MIOS: variants seen among roughly 807,000 people sequenced by gnomAD.
The protein encoded by MIOS is GATOR2 complex protein MIOS.
A neutral mutation model predicts 96.9 loss-of-function variants in MIOS; 52 were observed. That is an observed-to-expected ratio of 0.54 (90% CI 0.43 to 0.68). The LOEUF (loss-of-function observed/expected upper bound fraction) is 0.68. Ranked by LOEUF, MIOS falls within the 30% of genes least tolerant of loss-of-function variation. MIOS has a pLI of 0.00. For synonymous variants in MIOS, 397 were observed against 359.5 expected (o/e 1.10, Z -1.18); for missense variants, 1,005 against 1,052.8 (o/e 0.95, Z 0.63).
intron 9 of MIOS, 28 bp from the exon 10 acceptor site, chr7:7,594,952 A>G: frequency 6.4e-7 from 1 of 1,564,412 alleles, no homozygotes; most frequent in Non-Finnish European, 8.7e-7. Flanking sequence ...ATTTTAAACA[A>G]TTGAAATAAT....
chr7:7,582,766 TAATA>T (rs1381739909), intron 5 of MIOS: 1 of 307,228 alleles, frequency 3.3e-6, no homozygotes, highest in African/African-American at 2.3e-5. Flanking sequence ...AAAAATAAAT[TAATA>T]AATGGGAGCA....
chr7:7,591,490 G>C (rs1458482299), intron 9 of MIOS, among the ~76,000 whole-genome samples: 1 of 151,852 alleles, frequency 6.6e-6, no homozygotes, highest in East Asian at 1.9e-4. Context: ...ATGTTGCCCA[G>C]GCTGGTCTCA....
chr7:7,570,252 T>C (rs1162572073), intron 3 of MIOS, among the ~76,000 whole-genome samples: 1 of 152,112 alleles, frequency 6.6e-6, no homozygotes, highest in Non-Finnish European at 1.5e-5. Context: ...GACAAGATGA[T>C]AAATAATTGG....
intron 9 of MIOS, among the ~76,000 whole-genome samples, chr7:7,592,259 G>A (rs1216829770): frequency 6.6e-6 from 1 of 152,232 alleles, no homozygotes; most frequent in Middle Eastern, 3.2e-3. Flanking sequence ...AAAGTGCTGG[G>A]ATTACAGGCG....
At chr7:7,608,979 G>A (rs1475986219), downstream of MIOS, 1 of 151,948 alleles carries the variant, frequency 6.6e-6, no homozygotes, top group Non-Finnish European at 1.5e-5. Context: ...CAGTGTGCAT[G>A]GACAATCAAA....
At chr7:7,600,635 A>G (rs1784348479) in intron 11 of MIOS, among the ~76,000 whole-genome samples, 1 of 152,154 alleles carries the variant, frequency 6.6e-6, no homozygotes, top group Non-Finnish European at 1.5e-5. Context: ...TTAACACCCC[A>G]CTGTCAACAT....
intron 11 of MIOS, among the ~76,000 whole-genome samples, chr7:7,597,468 T>TTATATA (rs1160646084): frequency 6.0e-4 from 7 of 11,694 alleles, no homozygotes; most frequent in Non-Finnish European, 1.1e-3. Context: ...CCTAGTAAAT[T>TTATATA]TATATATATA....
chr7:7,597,476 AT>A (rs1241969015), intron 11 of MIOS, among the ~76,000 whole-genome samples: 3 of 17,332 alleles, frequency 1.7e-4, no homozygotes, highest in East Asian at 1.5e-3. Flanking sequence ...ATTTATATAT[AT>A]ATATATATAT....
intron 5 of MIOS, among the ~76,000 whole-genome samples, chr7:7,577,649 G>C (rs3807858): frequency 6.6e-6 from 1 of 152,174 alleles, no homozygotes; most frequent in Non-Finnish European, 1.5e-5. Flanking sequence ...GGTTTCTTTA[G>C]CTTTAGATAC....
At chr7:7,569,317 T>C (rs1473606087) in intron 3 of MIOS, among the ~76,000 whole-genome samples, 1 of 152,256 alleles carries the variant, frequency 6.6e-6, no homozygotes, top group East Asian at 1.9e-4. Context: ...GCAGGTTTTT[T>C]TTAGACCAGA....
intron 5 of MIOS, among the ~76,000 whole-genome samples, chr7:7,574,584 C>A (rs2115357961): frequency 6.6e-6 from 1 of 152,156 alleles, no homozygotes; most frequent in South Asian, 2.1e-4. Context: ...AAGGAGATCC[C>A]TTTTTATTTT....
Position 7,607,346 on chromosome 7 carries a change from T to G in MIOS, c.*254T>G, listed in dbSNP as rs928331249. The G allele has an allele frequency of 3.6e-6, 1 of 279,072 alleles. No homozygotes were observed. 17.3% of individuals were successfully genotyped at this position (279,072 alleles called of 1,614,324 possible). A position where few individuals can be genotyped will look rare whatever the true frequency, so the allele number is the denominator to read the frequency against. On this transcript the variant is annotated 3_prime_UTR_variant, in exon 13 of 13. Coordinates refer to ENST00000340080, the MANE Select transcript of MIOS (RefSeq NM_019005.4). The stretch of plus-strand genomic sequence containing the variant: ...GTTGAAAAGTCTGATTTAGAAAAAC[T>G]TTCTAAGTTTTGGTTGAAATTATGA...
intron 3 of MIOS, among the ~76,000 whole-genome samples, chr7:7,569,255 T>G (rs140916234): frequency 1.3e-5 from 2 of 152,322 alleles, no homozygotes; most frequent in Admixed American, 6.5e-5. Flanking sequence ...TCCTCCTCAT[T>G]CTTAAATTTT....
chr7:7,582,552 C>T, intron 5 of MIOS: 1 of 708,490 alleles, frequency 1.4e-6, no homozygotes, highest in Non-Finnish European at 1.7e-6. Flanking sequence ...AAGTTAGTCC[C>T]ATTATATTTT....
At position 7,597,498 on chromosome 7, in the gene MIOS, ATATATATATATATATAT is replaced by A. The variant is rs1563040969; in HGVS notation, c.2401+1038_2401+1054del. ...TATATATATATATATATATATATATATATATATATATATATATATGAAGGCAATACGTAATGTTTTAA... is the reference window on the plus strand; with the variant it reads ...TATATATATATATATATATATATATAATGAAGGCAATACGTAATGTTTTAA... On this transcript the variant is annotated intron_variant, in intron 11 of 12. Coordinates refer to ENST00000340080, the MANE Select transcript of MIOS (RefSeq NM_019005.4). Among the ~76,000 whole-genome samples the A allele has an allele frequency of 2.4e-3, 165 of 69,292 alleles. 21 individuals are homozygous for A. Among genetic ancestry groups the A allele is most frequent in the East Asian group, 5.9e-3 (13 of 2,192 alleles). 45.5% of individuals were successfully genotyped at this position (69,292 alleles called of 152,430 possible).
intron 11 of MIOS, among the ~76,000 whole-genome samples, chr7:7,597,952 ACC>A (rs1289835492): frequency 1.3e-5 from 2 of 152,186 alleles, no homozygotes; most frequent in African/African-American, 4.8e-5. Context: ...GGCATGAGCC[ACC>A]ATGCCCAGCC....
Position 7,572,354 on chromosome 7 carries a change from TCTGA to T in MIOS, c.-40-79_-40-76del. 1.5e-6 allele frequency: 1 copy of T among 647,076 alleles called. No homozygotes were observed. The highest frequency in any genetic ancestry group is 2.5e-6 in the Non-Finnish European group (1 of 402,586). 40.1% of individuals were successfully genotyped at this position (647,076 alleles called of 1,614,324 possible). A position where few individuals can be genotyped will look rare whatever the true frequency, so the allele number is the denominator to read the frequency against. On this transcript the variant is annotated intron_variant, in intron 3 of 12. Coordinates refer to ENST00000340080, the MANE Select transcript of MIOS (RefSeq NM_019005.4). This position sits in a 1 kb window ranked among gnomAD's most constrained non-coding sequence, Gnocchi z 4.8. The stretch of plus-strand genomic sequence containing the variant: ...AAGAGGGTTCTTGAATAGAGAATTT[TCTGA>T]CTTTCTGAATAGTTTATTCAACGTA...
chr7:7,594,909 A>G lies in MIOS; in HGVS notation c.2044-71A>G, dbSNP rs557125935. 1.3e-5 allele frequency: 15 copies of G among 1,191,336 alleles called. No homozygotes were observed. The South Asian group carries it at 2.4e-4, about 19-fold the overall frequency. 73.8% of individuals were successfully genotyped at this position (1,191,336 alleles called of 1,614,324 possible). On this transcript the variant is annotated intron_variant, in intron 9 of 12. Coordinates refer to ENST00000340080, the MANE Select transcript of MIOS (RefSeq NM_019005.4). ...TTTCTTCTGTGTTACTCATACTTAC[A>G]TGCTACCCAGAAGTCTCTGGCCTAG...
At chr7:7,601,787 C>T (rs1021836004) in intron 11 of MIOS, among the ~76,000 whole-genome samples, 37 of 152,158 alleles carry the variant, frequency 2.4e-4, no homozygotes, top group Non-Finnish European at 4.7e-4. Context: ...AATTTTAGGC[C>T]AATATCCTTG....
Sources: allele counts gnomAD v4.1 joint callset (sites outside exome capture counted in the v4.1 genomes callset), GRCh38; gene constraint gnomAD v4.1.1; non-coding constraint Gnocchi (gnomAD v3.1); transcripts MANE v1.5; gene names NCBI Gene and HGNC (gene_info 2026-07-23, HGNC 2026-07-21).